The following ASTN2 variants were observed in gnomAD, a reference collection of about 807,000 sequenced individuals.
The protein encoded by ASTN2 is astrotactin-2.
ASTN2 carries 54 observed loss-of-function variants against 139.8 expected under a neutral mutation model. The observed-to-expected ratio is 0.39, with a 90% CI of 0.31 to 0.48. The LOEUF is 0.48. Ranked by LOEUF, ASTN2 falls within the 20% of genes least tolerant of loss-of-function variation. The probability of loss-of-function intolerance (pLI) is 0.95; values close to 1 mark genes in which losing one functional copy is unlikely to be tolerated. For synonymous variants in ASTN2, 756 were observed against 719.5 expected (o/e 1.05, Z -0.81); for missense variants, 1,565 against 1,725.1 (o/e 0.91, Z 1.64).
At chr9:117,329,040 A>G (rs1034362770) in intron 1 of ASTN2, among the ~76,000 whole-genome samples, 13 of 152,106 alleles carry the variant, frequency 8.5e-5, no homozygotes, top group Admixed American at 7.9e-4. Context: ...TGTAGAAGCA[A>G]AGTGACCTTC....
chr9:116,676,308 T>G (rs541930192), intron 16 of ASTN2, among the ~76,000 whole-genome samples: 1 of 152,282 alleles, frequency 6.6e-6, no homozygotes, highest in South Asian at 2.1e-4. Context: ...GCAAAAAGGA[T>G]TTGTGAGACT....
intron 19 of ASTN2, among the ~76,000 whole-genome samples, chr9:116,578,619 C>CGT (rs71377254): frequency 0.036 from 4,961 of 137,558 alleles, 113 homozygotes; most frequent in African/African-American, 0.049. Context: ...CTGGCTCCAA[C>CGT]GTGTGTGTGT....
intron 10 of ASTN2, among the ~76,000 whole-genome samples, chr9:116,952,768 C>T (rs1428837491): frequency 6.6e-6 from 1 of 152,208 alleles, no homozygotes; most frequent in Non-Finnish European, 1.5e-5. Flanking sequence ...CTCAGCTAGC[C>T]GAGCAATCGC....
intron 19 of ASTN2, among the ~76,000 whole-genome samples, chr9:116,545,130 C>CCATGCACTTG (rs776076071): frequency 5.9e-5 from 9 of 152,194 alleles, no homozygotes; most frequent in African/African-American, 9.6e-5. Context: ...GTCCAAGTGC[C>CCATGCACTTG]CAGATGTGCC....
rs900670453 is a variant in ASTN2, at chr9:116,719,698, G to A, written c.2806+6073C>T. Among the ~76,000 whole-genome samples, 11 of 152,212 alleles carry A rather than the reference G, an allele frequency of 7.2e-5. No homozygotes were observed. In the East Asian group the frequency reaches 1.7e-3, roughly 24 times the overall value. On this transcript the variant is annotated intron_variant, in intron 16 of 22. Coordinates refer to ENST00000313400, the MANE Select transcript of ASTN2 (RefSeq NM_001365068.1). The stretch of plus-strand genomic sequence containing the variant: ...ATGACCATAGAAACAAGTCTAGAAA[G>A]AGGGGTCCATAAGACAGGCTCCTGT...
At chr9:116,426,434 G>T (rs922329541) in intron 22 of ASTN2, among the ~76,000 whole-genome samples, 13 of 152,180 alleles carry the variant, frequency 8.5e-5, no homozygotes, top group Admixed American at 3.9e-4. Flanking sequence ...AAAAGTTATT[G>T]ACACCATATG....
intron 2 of ASTN2, among the ~76,000 whole-genome samples, chr9:117,267,822 A>G (rs1300106235): frequency 1.3e-5 from 2 of 152,156 alleles, no homozygotes; most frequent in African/African-American, 2.4e-5. Context: ...GGAGTGATTT[A>G]GTAGTTTTCA....
At chr9:116,911,167 G>A (rs970056298) in intron 10 of ASTN2, among the ~76,000 whole-genome samples, 1 of 152,158 alleles carries the variant, frequency 6.6e-6, no homozygotes, top group Admixed American at 6.5e-5. Context: ...TCCATCCCAC[G>A]AAATAATGAT....
At chr9:116,959,297 G>A (rs1835812174) in intron 10 of ASTN2, among the ~76,000 whole-genome samples, 1 of 152,164 alleles carries the variant, frequency 6.6e-6, no homozygotes, top group Non-Finnish European at 1.5e-5. Flanking sequence ...TAGGCAGAAG[G>A]ACAAGAGGTA....
intron 3 of ASTN2, among the ~76,000 whole-genome samples, chr9:117,174,220 T>C (rs1162687770): frequency 6.6e-6 from 1 of 151,896 alleles, no homozygotes; most frequent in East Asian, 1.9e-4. Flanking sequence ...ATCACAGGTA[T>C]ACAAACACAC....
intron 10 of ASTN2, among the ~76,000 whole-genome samples, chr9:116,956,628 A>T (rs920981725): frequency 1.3e-5 from 2 of 151,890 alleles, no homozygotes; most frequent in Admixed American, 6.6e-5. Context: ...CAATAAAATG[A>T]TCTCCATTCA....
chr9:117,040,381 A>G (rs1356020342), intron 5 of ASTN2, among the ~76,000 whole-genome samples: 1 of 152,200 alleles, frequency 6.6e-6, no homozygotes, highest in African/African-American at 2.4e-5. Context: ...TTGGAGTTAG[A>G]TCATTCTGGA....
intron 11 of ASTN2, among the ~76,000 whole-genome samples, chr9:116,854,423 CT>C (rs1317525340): frequency 6.6e-6 from 1 of 152,138 alleles, no homozygotes; most frequent in Non-Finnish European, 1.5e-5. Context: ...CTTTAAGTAA[CT>C]TTTCCCAAAG....
intron 2 of ASTN2, among the ~76,000 whole-genome samples, chr9:117,225,535 G>GTATGTATATATATA (rs369914209): frequency 3.1e-4 from 20 of 63,916 alleles, no homozygotes; most frequent in East Asian, 2.5e-3. Flanking sequence ...CAAGCTGTAT[G>GTATGTATATATATA]TATATATATA....
rs1830455808 is a variant in ASTN2 at position 117,157,399 on chromosome 9, G to A, written c.1016-15921C>T. On this transcript the variant is annotated intron_variant, in intron 3 of 22. Transcript: ENST00000313400. ...GAGTCAGTCCTCAAAAGAGCCTCAT[G>A]CAAGGAATTATACCAAGATGAAGTT... 2.6e-5 allele frequency among the ~76,000 whole-genome samples: 4 copies of A among 152,012 alleles called. No homozygotes were observed. The South Asian group carries it at 8.3e-4, about 31-fold the overall frequency.
At chr9:117,293,706 G>C (rs557025701) in intron 1 of ASTN2, among the ~76,000 whole-genome samples, 2 of 152,234 alleles carry the variant, frequency 1.3e-5, no homozygotes, top group Non-Finnish European at 2.9e-5. Flanking sequence ...CCAAGGCCTT[G>C]GCAGTAGCTT....
chr9:117,221,696 C>T (rs182350206), intron 2 of ASTN2, among the ~76,000 whole-genome samples: 3 of 152,322 alleles, frequency 2.0e-5, no homozygotes, highest in African/African-American at 7.2e-5. Flanking sequence ...TGGTGATCCA[C>T]TGGGCCTTCT....
intron 11 of ASTN2, among the ~76,000 whole-genome samples, chr9:116,824,608 G>A (rs969973301): frequency 6.6e-6 from 1 of 152,222 alleles, no homozygotes; most frequent in Non-Finnish European, 1.5e-5. Context: ...AGACTTTGTA[G>A]AGGTAGGCCA....
Position 116,478,263 on chromosome 9 carries a change from G to T in ASTN2, c.3497+9096C>A, listed in dbSNP as rs1034425495. The stretch of plus-strand genomic sequence containing the variant: ...GGAGGGAGGGAGGGAGGGAAGGAAG[G>T]AAGGAAGGAAGGAAGGAAGAGAGCC... On this transcript the variant is annotated intron_variant, in intron 20 of 22. Transcript: ENST00000313400. 6.0e-5 allele frequency among the ~76,000 whole-genome samples: 9 copies of T among 149,396 alleles called. 1 individual carries two copies. In the East Asian group the frequency reaches 1.8e-3, roughly 30 times the overall value.
Sources: gnomAD v4.1 joint callset for allele counts (sites outside exome capture counted in the v4.1 genomes callset) on GRCh38, gnomAD v4.1.1 for gene constraint, MANE v1.5 for transcripts, NCBI Gene and HGNC (gene_info 2026-07-23, HGNC 2026-07-21) for gene names.